TDRP: variants seen among roughly 807,000 people sequenced by gnomAD.
TDRP encodes the protein testis development related protein, also known as testis development-related protein.
A neutral mutation model predicts 10.5 loss-of-function variants in TDRP; 12 were observed. That is an observed-to-expected ratio of 1.15 (90% CI 0.73 to 1.86). TDRP has a LOEUF of 1.86. Ranked by LOEUF, TDRP falls within the 40% of genes most tolerant of loss-of-function variation. The pLI, the probability that TDRP is intolerant of heterozygous loss-of-function variation, is 0.00. For missense variants in TDRP, 353 were observed against 229.2 expected, an observed-to-expected ratio of 1.54 and a Z score of -3.49; for synonymous variants, 139 against 95.4, an observed-to-expected ratio of 1.46 and a Z score of -2.67.
chr8:529,049 G>A (rs1057096771), intron 1 of TDRP, among the ~76,000 whole-genome samples: 2 of 152,132 alleles, frequency 1.3e-5, no homozygotes, highest in African/African-American at 4.8e-5. Context: ...GGCCAGTCTA[G>A]CCTTTTCATG....
intron 1 of TDRP, among the ~76,000 whole-genome samples, chr8:511,027 G>C (rs73672342): frequency 0.013 from 1,955 of 152,180 alleles, 36 homozygotes; most frequent in African/African-American, 0.044. Flanking sequence ...TGAAAATGTT[G>C]AATTTAAAAA....
rs545896244 is a variant in TDRP, at chr8:521,172, G to A, written c.108+23478C>T. 4.6e-3 allele frequency among the ~76,000 whole-genome samples: 687 copies of A among 149,282 alleles called. 3 individuals are homozygous for A. Among genetic ancestry groups the A allele is most frequent in the African/African-American group, 0.016 (653 of 40,434 alleles). On this transcript the variant is annotated intron_variant, in intron 1 of 2. Coordinates refer to ENST00000324079, the MANE Select transcript of TDRP (RefSeq NM_001384899.1). Reference sequence around the variant, plus strand: ...AATCCCAGCACTTTGGGAGGCCGAGGCAGGCGGATCATGAGGTCAGGAGAT... The same window carrying A: ...AATCCCAGCACTTTGGGAGGCCGAGACAGGCGGATCATGAGGTCAGGAGAT...
intron 1 of TDRP, among the ~76,000 whole-genome samples, chr8:497,991 T>C (rs1217942357): frequency 2.0e-5 from 3 of 152,134 alleles, no homozygotes; most frequent in Admixed American, 6.5e-5. Flanking sequence ...TCTGCCTCGA[T>C]TTCAGAGGAG....
intron 1 of TDRP, among the ~76,000 whole-genome samples, chr8:536,830 T>A (rs75566531): frequency 0.094 from 14,183 of 151,566 alleles, 810 homozygotes; most frequent in Non-Finnish European, 0.12. Flanking sequence ...CCGGAGCGAA[T>A]AAGCAGCGCC....
At position 538,841 on chromosome 8, in the gene TDRP, T is replaced by C. The variant is rs764687490; in HGVS notation, c.108+5809A>G. ...ACTTTTCCCCCCATCAGATCTAAAA[T>C]CTTGAAGACATGCGCATCTCACCAC... On this transcript the variant is annotated intron_variant, in intron 1 of 2. Transcript: ENST00000324079. Among the ~76,000 whole-genome samples, 91 of 152,122 alleles carry C rather than the reference T, an allele frequency of 6.0e-4. 1 individual carries two copies. The highest frequency in any genetic ancestry group is 2.1e-4 in the Non-Finnish European group (14 of 68,032).
intron 1 of TDRP, among the ~76,000 whole-genome samples, chr8:517,295 C>G (rs1801782443): frequency 6.6e-6 from 1 of 152,216 alleles, no homozygotes; most frequent in Non-Finnish European, 1.5e-5. Context: ...TGGAATGGCC[C>G]TGCCCAGCTG....
intron 1 of TDRP, among the ~76,000 whole-genome samples, chr8:542,481 C>T (rs1320116011): frequency 6.6e-6 from 1 of 152,062 alleles, no homozygotes; most frequent in African/African-American, 2.4e-5. Flanking sequence ...TGTACTTTCT[C>T]CTCAAATTTG....
chr8:521,307 C>A (rs914921609), intron 1 of TDRP, among the ~76,000 whole-genome samples: 1 of 149,770 alleles, frequency 6.7e-6, no homozygotes, highest in African/African-American at 2.5e-5. Context: ...GTCCCAGCTA[C>A]TTGGGAGGCT....
At chr8:508,384 C>T (rs901880916) in intron 1 of TDRP, among the ~76,000 whole-genome samples, 2 of 152,146 alleles carry the variant, frequency 1.3e-5, no homozygotes, top group African/African-American at 2.4e-5. Context: ...TAAAGAAAAG[C>T]AGTTTAATTG....
intron 1 of TDRP, among the ~76,000 whole-genome samples, chr8:509,741 A>T (rs1159398586): frequency 6.6e-6 from 1 of 152,214 alleles, no homozygotes; most frequent in Non-Finnish European, 1.5e-5. Flanking sequence ...CTTGCTACTT[A>T]ACGCAAATTT....
intron 1 of TDRP, among the ~76,000 whole-genome samples, chr8:543,927 A>AGGG (rs1196311229): frequency 4.4e-4 from 5 of 11,384 alleles, no homozygotes; most frequent in African/African-American, 4.7e-4. Flanking sequence ...GGAAAAAGGG[A>AGGG]GGGGGGGGGA....
intron 1 of TDRP, among the ~76,000 whole-genome samples, chr8:511,338 A>C (rs1324973190): frequency 6.6e-6 from 1 of 152,214 alleles, no homozygotes; most frequent in Non-Finnish European, 1.5e-5. Flanking sequence ...CTATGTAAAC[A>C]AAAGAGAGTT....
chr8:524,994 A>G (rs1003788544), intron 1 of TDRP, among the ~76,000 whole-genome samples: 3 of 152,178 alleles, frequency 2.0e-5, no homozygotes, highest in Non-Finnish European at 4.4e-5. Context: ...TTTAACCCAA[A>G]CAAGACTACT....
intron 1 of TDRP, among the ~76,000 whole-genome samples, chr8:507,173 T>G (rs1188095021): frequency 6.6e-6 from 1 of 152,148 alleles, no homozygotes; most frequent in Non-Finnish European, 1.5e-5. Context: ...TCACTCACTA[T>G]CATGAGAACA....
At chr8:526,312 A>C (rs900892706) in intron 1 of TDRP, among the ~76,000 whole-genome samples, 11 of 152,128 alleles carry the variant, frequency 7.2e-5, no homozygotes, top group African/African-American at 2.4e-4. Context: ...GTTCTTTAAA[A>C]TGCACCACTG....
At chr8:531,481 A>G (rs1477125155) in intron 1 of TDRP, among the ~76,000 whole-genome samples, 1 of 152,180 alleles carries the variant, frequency 6.6e-6, no homozygotes, top group Non-Finnish European at 1.5e-5. Context: ...AATTCTGGGA[A>G]GGGAATGTCA....
chr8:532,402 A>C (rs1216877675), intron 1 of TDRP, among the ~76,000 whole-genome samples: 1 of 152,210 alleles, frequency 6.6e-6, no homozygotes, highest in Non-Finnish European at 1.5e-5. Flanking sequence ...TGATGAACCC[A>C]TCACACAGTT....
At chr8:513,351 G>C (rs1223129607) in intron 1 of TDRP, among the ~76,000 whole-genome samples, 2 of 152,000 alleles carry the variant, frequency 1.3e-5, no homozygotes, top group African/African-American at 2.4e-5. Context: ...AGGAAAGAAA[G>C]GTTAGCTCAA....
At chr8:497,108 A>T (rs572478106) in intron 1 of TDRP, among the ~76,000 whole-genome samples, 48 of 152,334 alleles carry the variant, frequency 3.2e-4, no homozygotes, top group African/African-American at 1.1e-3. Flanking sequence ...TGCTATAAAG[A>T]TACCTGAAAA....
Sources: gnomAD v4.1 joint callset for allele counts (sites outside exome capture counted in the v4.1 genomes callset) on GRCh38, gnomAD v4.1.1 for gene constraint, MANE v1.5 for transcripts, NCBI Gene and HGNC (gene_info 2026-07-23, HGNC 2026-07-21) for gene names.